MRTFB: variants seen among roughly 807,000 people sequenced by gnomAD.
MRTFB encodes the protein myocardin-related transcription factor B.
A neutral mutation model predicts 104.2 loss-of-function variants in MRTFB; 29 were observed. The observed-to-expected ratio is 0.28, with a 90% CI of 0.21 to 0.38. The LOEUF is 0.38. Among genes scored for constraint, MRTFB ranks in the 10% least tolerant of loss-of-function variants. MRTFB has a pLI of 1.00. For missense variants in MRTFB, 1,270 were observed against 1,341.6 expected (o/e 0.95, Z 0.83); for synonymous variants, 535 against 519.5 (o/e 1.03, Z -0.41).
intron 15 of MRTFB, among the ~76,000 whole-genome samples, chr16:14,255,108 C>T (rs2043423191): frequency 6.6e-6 from 1 of 152,116 alleles, no homozygotes; most frequent in African/African-American, 2.4e-5. Context: ...ATAACTTATC[C>T]AATCTGAATA....
intron 1 of MRTFB, 71 bp downstream of exon 1, chr16:14,071,436 G>C (rs1199819579): frequency 6.5e-6 from 1 of 152,940 alleles, no homozygotes; most frequent in African/African-American, 2.4e-5. Context: ...AGGGCTGGGT[G>C]GGGGAGCGGG....
rs529129446 is a variant in MRTFB at position 14,086,358 on chromosome 16, A to C, written c.-64+7004A>C. Among the ~76,000 whole-genome samples the C allele has an allele frequency of 7.9e-5, 12 of 152,340 alleles. No homozygotes were observed. The South Asian group carries it at 2.3e-3, about 29-fold the overall frequency. ...TGGGATTCCAAAGAGTTCATGAGCT[A>C]GTTTTAATCAGTATTTGAGCAGCAG... On this transcript the variant is annotated intron_variant, in intron 2 of 16. Transcript: ENST00000571589.
the MRTFB span, among the ~76,000 whole-genome samples, chr16:14,011,098 T>C: frequency 6.6e-6 from 1 of 152,260 alleles, no homozygotes; most frequent in East Asian, 1.9e-4. Flanking sequence ...CTGTCACTTT[T>C]GGACAAATCT....
intron 3 of MRTFB, among the ~76,000 whole-genome samples, chr16:14,206,181 C>G (rs1413819554): frequency 6.6e-6 from 1 of 152,212 alleles, no homozygotes; most frequent in African/African-American, 2.4e-5. Context: ...CCTGATCCCA[C>G]AACCGTGAAT....
the MRTFB span, among the ~76,000 whole-genome samples, chr16:14,049,284 T>C: frequency 3.3e-5 from 5 of 152,328 alleles, no homozygotes; most frequent in African/African-American, 1.2e-4. Flanking sequence ...ACTTTTTAAA[T>C]GAAAAACATT....
At chr16:14,041,466 T>C in the MRTFB span, among the ~76,000 whole-genome samples, 3 of 152,214 alleles carry the variant, frequency 2.0e-5, no homozygotes, top group African/African-American at 7.2e-5. Flanking sequence ...CTCATTTCAC[T>C]CAGCATAATG....
chr16:14,183,733 T>A (rs187384481), intron 3 of MRTFB, among the ~76,000 whole-genome samples: 134 of 152,274 alleles, frequency 8.8e-4, no homozygotes, highest in Non-Finnish European at 1.3e-3. Context: ...TTTCAAAAAA[T>A]TTTTTTAATA....
chr16:14,228,355 T>C (rs965604922), intron 8 of MRTFB, among the ~76,000 whole-genome samples: 2 of 152,200 alleles, frequency 1.3e-5, no homozygotes, highest in African/African-American at 4.8e-5. Flanking sequence ...GTTGGGCGGA[T>C]CACAAGGTTA....
At chr16:14,248,900 G>T (rs2043135931) in intron 12 of MRTFB, 26 bp from the exon 13 acceptor site, 1 of 1,608,374 alleles carries the variant, frequency 6.2e-7, no homozygotes, top group Non-Finnish European at 8.5e-7. Flanking sequence ...CAATTAAATT[G>T]ATGTTTTTTT....
chr16:14,046,969 C>A, the MRTFB span, among the ~76,000 whole-genome samples: 283 of 152,294 alleles, frequency 1.9e-3, 2 homozygotes, highest in African/African-American at 6.3e-3. Flanking sequence ...TGTAAGGGAA[C>A]TAGAGAACAG....
At chr16:14,029,730 C>T in the MRTFB span, among the ~76,000 whole-genome samples, 5 of 152,126 alleles carry the variant, frequency 3.3e-5, no homozygotes, top group East Asian at 5.8e-4. Context: ...TCCTCCACCC[C>T]CCGTGTCTGT....
At chr16:14,023,604 C>T in the MRTFB span, among the ~76,000 whole-genome samples, 557 of 131,776 alleles carry the variant, frequency 4.2e-3, 5 homozygotes, top group African/African-American at 0.016. Flanking sequence ...CACACACACA[C>T]ACACACATAC....
At chr16:14,087,441 T>C (rs187611589) in intron 2 of MRTFB, among the ~76,000 whole-genome samples, 1 of 152,290 alleles carries the variant, frequency 6.6e-6, no homozygotes, top group Admixed American at 6.5e-5. Flanking sequence ...CTGACTGTAT[T>C]GCTGCAGAGT....
chr16:14,185,113 G>A (rs2039905700), intron 3 of MRTFB, among the ~76,000 whole-genome samples: 1 of 152,162 alleles, frequency 6.6e-6, no homozygotes, highest in African/African-American at 2.4e-5. Context: ...GTAACAGAAC[G>A]TTTGAGGGCA....
intron 3 of MRTFB, 138 bp downstream of exon 3, chr16:14,140,898 TG>T: frequency 1.3e-6 from 1 of 786,410 alleles, no homozygotes; most frequent in East Asian, 2.7e-5. Flanking sequence ...AGGTACTGGA[TG>T]GTTTTTAATA....
At chr16:14,223,343 C>A (rs1246419489) in intron 8 of MRTFB, among the ~76,000 whole-genome samples, 1 of 151,898 alleles carries the variant, frequency 6.6e-6, no homozygotes, top group Admixed American at 6.6e-5. Context: ...AAAATATGAC[C>A]ATTCAGGGAA....
chr16:14,004,298 G>A, the MRTFB span, among the ~76,000 whole-genome samples: 3 of 152,188 alleles, frequency 2.0e-5, no homozygotes, highest in Non-Finnish European at 4.4e-5. Context: ...CATGATGCCA[G>A]GCCCTAGGCC....
At chr16:14,255,328 T>A (rs1421130183) in intron 15 of MRTFB, among the ~76,000 whole-genome samples, 3 of 152,214 alleles carry the variant, frequency 2.0e-5, no homozygotes, top group African/African-American at 7.2e-5. Context: ...ATAAATCACA[T>A]CACAGTCAAA....
chr16:14,156,743 TATTC>T (rs2038841950), intron 3 of MRTFB, among the ~76,000 whole-genome samples: 1 of 152,238 alleles, frequency 6.6e-6, no homozygotes, highest in Non-Finnish European at 1.5e-5. Flanking sequence ...AATTTTAAAA[TATTC>T]TCTTTTCCTC....
Sources: allele counts gnomAD v4.1 joint callset (sites outside exome capture counted in the v4.1 genomes callset), GRCh38; gene constraint gnomAD v4.1.1; transcripts MANE v1.5; gene names NCBI Gene and HGNC (gene_info 2026-07-23, HGNC 2026-07-21).